CDK5RAP2: variants seen among roughly 807,000 people sequenced by gnomAD.
CDK5RAP2 encodes CDK5 regulatory subunit-associated protein 2.
Under a neutral mutation model 232.9 loss-of-function variants are expected in CDK5RAP2, and 147 were observed. That is an observed-to-expected ratio of 0.63 (90% CI 0.55 to 0.72). The LOEUF (loss-of-function observed/expected upper bound fraction) is 0.72. Ranked by LOEUF, CDK5RAP2 falls within the 30% of genes least tolerant of loss-of-function variation. CDK5RAP2 has a pLI of 0.00. For missense variants in CDK5RAP2, 2,195 were observed against 2,231.5 expected (o/e 0.98, Z 0.33); for synonymous variants, 833 against 833.7 (o/e 1.00, Z 0.01).
intron 11 of CDK5RAP2, 81 bp from the exon 12 acceptor site, chr9:120,518,726 C>T: frequency 9.1e-7 from 1 of 1,096,792 alleles, no homozygotes; most frequent in South Asian, 1.3e-5. Context: ...CTCTTTTTCG[C>T]CGTGGGGGAA....
chr9:120,560,619 T>C (rs1241922772), intron 3 of CDK5RAP2, among the ~76,000 whole-genome samples: 1 of 152,202 alleles, frequency 6.6e-6, no homozygotes, highest in Non-Finnish European at 1.5e-5. Context: ...ATGGTGGTAT[T>C]GTCTCTTTTT....
At chr9:120,495,082 G>GC (rs2039116402) in intron 12 of CDK5RAP2, among the ~76,000 whole-genome samples, 1 of 57,312 alleles carries the variant, frequency 1.7e-5, no homozygotes, top group East Asian at 5.3e-4. Flanking sequence ...GAGCGGACGG[G>GC]CCCCGCGGGG....
Position 120,549,923 on chromosome 9 carries a change from C to A in CDK5RAP2, c.306+869G>T, listed in dbSNP as rs73660579. ...AAAGGCTCAGAAGTACAGCACAATC[C>A]CTCTTCAAGACAAGTCAATTTAAGT... On this transcript the variant is annotated intron_variant, in intron 4 of 37. Coordinates refer to ENST00000349780, the MANE Select transcript of CDK5RAP2 (RefSeq NM_018249.6). 4.0e-3 allele frequency among the ~76,000 whole-genome samples: 612 copies of A among 152,262 alleles called. 7 individuals are homozygous for A. The highest frequency in any genetic ancestry group is 0.014 in the African/African-American group (584 of 41,564).
intron 12 of CDK5RAP2, among the ~76,000 whole-genome samples, chr9:120,504,340 G>A (rs1167422825): frequency 6.6e-6 from 1 of 152,138 alleles, no homozygotes; most frequent in African/African-American, 2.4e-5. Context: ...AAAAGAATCT[G>A]GAACTTGGGT....
intron 1 of CDK5RAP2, among the ~76,000 whole-genome samples, chr9:120,576,642 C>T (rs908571620): frequency 2.0e-5 from 3 of 151,830 alleles, no homozygotes; most frequent in African/African-American, 7.3e-5. Flanking sequence ...GCAGAGGTTG[C>T]GGTGAGCCGA....
intron 16 of CDK5RAP2, among the ~76,000 whole-genome samples, 159 bp downstream of exon 16, chr9:120,471,589 T>C (rs2037706186): frequency 6.6e-6 from 1 of 152,194 alleles, no homozygotes; most frequent in African/African-American, 2.4e-5. Context: ...GCTCTTCTAC[T>C]AGGAAGGCTA....
chr9:120,496,289 G>A (rs2039227579), intron 12 of CDK5RAP2, among the ~76,000 whole-genome samples: 3 of 105,590 alleles, frequency 2.8e-5, no homozygotes, highest in Non-Finnish European at 6.5e-5. Context: ...GGGAAGTGAG[G>A]AGCCCCTCTG....
intron 1 of CDK5RAP2, among the ~76,000 whole-genome samples, chr9:120,578,914 C>A (rs1165936081): frequency 6.6e-6 from 1 of 152,138 alleles, no homozygotes; most frequent in East Asian, 1.9e-4. Context: ...AACATGGTCA[C>A]CCTTTCAATT....
At chr9:120,518,210 T>TACA (rs2040441082) in intron 12 of CDK5RAP2, among the ~76,000 whole-genome samples, 17 of 44,014 alleles carry the variant, frequency 3.9e-4, no homozygotes, top group African/African-American at 9.1e-4. Flanking sequence ...TGTGTGTGTG[T>TACA]GAGAGAGAGA....
chr9:120,404,320 G>C (rs1319816597), intron 32 of CDK5RAP2, among the ~76,000 whole-genome samples: 1 of 152,186 alleles, frequency 6.6e-6, no homozygotes, highest in Non-Finnish European at 1.5e-5. Flanking sequence ...CCATTCCCTA[G>C]AAAAACTCTC....
chr9:120,550,853 T>C lies in CDK5RAP2; in HGVS notation c.245A>G (p.Tyr82Cys), dbSNP rs1345830760. 6 of 1,613,436 alleles carry C rather than the reference T, an allele frequency of 3.7e-6. No homozygotes were observed. Among genetic ancestry groups the C allele is most frequent in the Non-Finnish European group, 4.2e-6 (5 of 1,179,530 alleles). The stretch of plus-strand genomic sequence containing the variant: ...CTGTTGCATTCTTTCCTCAAGGAAA[T>C]AGATGCGGAGCTTTAGGTTAAAGTT... Reference protein sequence around the residue: ...KENFNLKLRIYFLEERMQQEF... With the variant: ...KENFNLKLRICFLEERMQQEF... The change falls in exon 4 of 38, where the codon TAT becomes TGT. Residue 82 changes from tyrosine to cysteine, a missense_variant. Transcript: ENST00000349780.
intron 14 of CDK5RAP2, among the ~76,000 whole-genome samples, chr9:120,485,123 G>A (rs372124408): frequency 1.3e-4 from 19 of 151,996 alleles, no homozygotes; most frequent in African/African-American, 4.3e-4. Context: ...AAATATCACC[G>A]GGATCTGAAT....
intron 2 of CDK5RAP2, among the ~76,000 whole-genome samples, chr9:120,570,475 A>AC (rs2042813366): frequency 6.6e-6 from 1 of 152,144 alleles, no homozygotes; most frequent in Non-Finnish European, 1.5e-5. Flanking sequence ...AACAGTAACC[A>AC]CATTTGAGGT....
chr9:120,425,346 G>C (rs1351091033), intron 25 of CDK5RAP2, among the ~76,000 whole-genome samples: 1 of 152,108 alleles, frequency 6.6e-6, no homozygotes, highest in Non-Finnish European at 1.5e-5. Flanking sequence ...TGAATTTCTG[G>C]GTGGAAACTG....
intron 6 of CDK5RAP2, among the ~76,000 whole-genome samples, chr9:120,538,486 A>G (rs2041489576): frequency 6.6e-6 from 1 of 152,200 alleles, no homozygotes; most frequent in African/African-American, 2.4e-5. Context: ...AGAAGAAGTG[A>G]CATGCAGTGC....
At chr9:120,533,160 G>A (rs1588589636) in intron 7 of CDK5RAP2, among the ~76,000 whole-genome samples, 2 of 152,026 alleles carry the variant, frequency 1.3e-5, no homozygotes, top group Non-Finnish European at 2.9e-5. Context: ...CCTCTATCAC[G>A]GCATCAATCA....
chr9:120,522,982 GCT>G (rs2040738669), intron 11 of CDK5RAP2, among the ~76,000 whole-genome samples: 1 of 152,196 alleles, frequency 6.6e-6, no homozygotes, highest in Non-Finnish European at 1.5e-5. Flanking sequence ...AAGAGCATAG[GCT>G]TTGAAGACAG....
Position 120,388,919 on chromosome 9 carries a change from C to A in CDK5RAP2, c.*317G>T. 4.7e-6 allele frequency: 2 copies of A among 430,000 alleles called. No homozygotes were observed. The highest frequency in any genetic ancestry group is 8.3e-6 in the Non-Finnish European group (2 of 241,888). 26.6% of individuals were successfully genotyped at this position (430,000 alleles called of 1,614,324 possible). On this transcript the variant is annotated 3_prime_UTR_variant, in exon 38 of 38. Coordinates refer to ENST00000349780, the MANE Select transcript of CDK5RAP2 (RefSeq NM_018249.6). Reference sequence around the variant, plus strand: ...TAATGAGAATCTTCAAACTGTGGCACTGGCTGAGTACTAAGCAAATCCAGG... The same window carrying A: ...TAATGAGAATCTTCAAACTGTGGCAATGGCTGAGTACTAAGCAAATCCAGG...
intron 23 of CDK5RAP2, among the ~76,000 whole-genome samples, chr9:120,442,277 C>T (rs1216361241): frequency 1.3e-5 from 2 of 152,110 alleles, no homozygotes; most frequent in African/African-American, 4.8e-5. Context: ...TGATGCTTCC[C>T]GAAGTAACAC....
Sources: allele counts gnomAD v4.1 joint callset (sites outside exome capture counted in the v4.1 genomes callset), GRCh38; gene constraint gnomAD v4.1.1; transcripts MANE v1.5; gene names NCBI Gene and HGNC (gene_info 2026-07-23, HGNC 2026-07-21).